THSD4: variants seen among roughly 807,000 people sequenced by gnomAD.
THSD4 encodes thrombospondin type 1 domain containing 4.
THSD4 carries 69 observed loss-of-function variants against 119.0 expected under a neutral mutation model. The observed-to-expected ratio is 0.58, with a 90% CI of 0.48 to 0.71. THSD4 has a LOEUF of 0.71. THSD4 is among the 30% of genes least tolerant of loss of function. The probability of loss-of-function intolerance (pLI) is 0.00; values close to 1 mark genes in which losing one functional copy is unlikely to be tolerated. For missense variants in THSD4, 1,393 were observed against 1,391.1 expected, an observed-to-expected ratio of 1.00 and a Z score of -0.02; for synonymous variants, 524 against 540.4, an observed-to-expected ratio of 0.97 and a Z score of 0.42.
At chr15:71,344,256 T>G (rs906692654) in intron 6 of THSD4, among the ~76,000 whole-genome samples, 11 of 151,732 alleles carry the variant, frequency 7.2e-5, no homozygotes, top group African/African-American at 9.7e-5. Context: ...TGTTAGTCAG[T>G]ATGGTCTCGA....
intron 7 of THSD4, among the ~76,000 whole-genome samples, chr15:71,521,429 T>C (rs1302887390): frequency 6.6e-6 from 1 of 152,244 alleles, no homozygotes; most frequent in Non-Finnish European, 1.5e-5. Context: ...TTAAAAAATA[T>C]ATTTTCTTTG....
intron 7 of THSD4, among the ~76,000 whole-genome samples, chr15:71,482,191 A>G (rs1009988385): frequency 2.2e-4 from 34 of 152,170 alleles, no homozygotes; most frequent in African/African-American, 8.0e-4. Flanking sequence ...TAACACTGGT[A>G]TCATCTCTAC....
chr15:71,437,543 C>T (rs990709345), intron 7 of THSD4, among the ~76,000 whole-genome samples: 1 of 152,118 alleles, frequency 6.6e-6, no homozygotes, highest in Non-Finnish European at 1.5e-5. Flanking sequence ...TTGGGAGAGA[C>T]AGAACATTGA....
At chr15:71,703,611 G>A (rs2052335286) in intron 8 of THSD4, among the ~76,000 whole-genome samples, 1 of 152,118 alleles carries the variant, frequency 6.6e-6, no homozygotes, top group South Asian at 2.1e-4. Context: ...TGGGGACAGG[G>A]CCTCAAGGGC....
intron 7 of THSD4, among the ~76,000 whole-genome samples, chr15:71,652,436 CAA>C (rs2051111058): frequency 6.6e-6 from 1 of 152,148 alleles, no homozygotes; most frequent in African/African-American, 2.4e-5. Context: ...TATAATAGAG[CAA>C]TTATCACTGT....
chr15:71,436,501 T>C (rs1249983444), intron 7 of THSD4, among the ~76,000 whole-genome samples: 3 of 152,200 alleles, frequency 2.0e-5, no homozygotes, highest in Non-Finnish European at 2.9e-5. Flanking sequence ...GAGTGACTGA[T>C]AAGAATTTCT....
chr15:71,379,723 G>T (rs544404766), intron 6 of THSD4, among the ~76,000 whole-genome samples: 1 of 151,924 alleles, frequency 6.6e-6, no homozygotes, highest in Non-Finnish European at 1.5e-5. Flanking sequence ...CTCCCAAAGT[G>T]CTGGGATTAC....
At chr15:71,534,940 C>CA (rs35816487) in intron 7 of THSD4, among the ~76,000 whole-genome samples, 42,005 of 152,014 alleles carry the variant, frequency 0.28, 6,566 homozygotes, top group East Asian at 0.63. Context: ...TCCTGGGTGA[C>CA]AGAGCGAGAC....
chr15:71,519,953 G>C (rs1342482569), intron 7 of THSD4, among the ~76,000 whole-genome samples: 1 of 152,194 alleles, frequency 6.6e-6, no homozygotes, highest in East Asian at 1.9e-4. Flanking sequence ...AGCTCTAGGG[G>C]AGTTTGCTGC....
At chr15:71,394,170 T>G (rs1255594588) in intron 6 of THSD4, among the ~76,000 whole-genome samples, 2 of 152,064 alleles carry the variant, frequency 1.3e-5, no homozygotes, top group Admixed American at 1.3e-4. Context: ...TGTATTTATT[T>G]GGCAGCCCTA....
intron 14 of THSD4, 126 bp from the exon 15 acceptor site, chr15:71,757,776 C>T (rs1595922797): frequency 8.2e-7 from 1 of 1,224,304 alleles, no homozygotes. Flanking sequence ...CGAGAAGCTG[C>T]CAGATATTTC....
At chr15:71,727,591 CA>C (rs2052884104) in intron 8 of THSD4, among the ~76,000 whole-genome samples, 2 of 9,956 alleles carry the variant, frequency 2.0e-4, no homozygotes, top group Non-Finnish European at 5.5e-4. Flanking sequence ...TATATATACA[CA>C]CACACACACA....
chr15:71,651,462 G>A (rs751351273), intron 7 of THSD4, among the ~76,000 whole-genome samples: 59 of 152,198 alleles, frequency 3.9e-4, no homozygotes, highest in Non-Finnish European at 2.5e-4. Flanking sequence ...CCACACTTTC[G>A]TTGCCAGCCT....
upstream of THSD4, among the ~76,000 whole-genome samples, chr15:71,113,277 ATT>A (rs1478424331): frequency 6.6e-6 from 1 of 152,220 alleles, no homozygotes; most frequent in Non-Finnish European, 1.5e-5. Flanking sequence ...GGTCAAAACA[ATT>A]TGACCAAGGT....
At chr15:71,265,169 G>T (rs529838135) in intron 6 of THSD4, among the ~76,000 whole-genome samples, 1 of 152,146 alleles carries the variant, frequency 6.6e-6, no homozygotes, top group Admixed American at 6.5e-5. Context: ...TGGCAAGATG[G>T]TCAAGTAGAA....
intron 7 of THSD4, among the ~76,000 whole-genome samples, chr15:71,613,142 C>T (rs565370037): frequency 6.6e-6 from 1 of 152,176 alleles, no homozygotes; most frequent in South Asian, 2.1e-4. Flanking sequence ...TGAAAAGCAG[C>T]CTCTCCCAAA....
intron 6 of THSD4, among the ~76,000 whole-genome samples, chr15:71,373,808 C>G (rs1236865207): frequency 1.3e-5 from 2 of 152,206 alleles, no homozygotes; most frequent in Non-Finnish European, 2.9e-5. Flanking sequence ...ACAGGCAGTT[C>G]ACGAAAGACA....
At chr15:71,668,407 GGGCT>G (rs966628163) in intron 8 of THSD4, among the ~76,000 whole-genome samples, 13 of 152,250 alleles carry the variant, frequency 8.5e-5, no homozygotes, top group African/African-American at 2.6e-4. Flanking sequence ...GGATGAGAAG[GGGCT>G]GACCTGTGAG....
intron 6 of THSD4, among the ~76,000 whole-genome samples, chr15:71,396,237 C>G (rs2046453617): frequency 6.6e-6 from 1 of 151,858 alleles, no homozygotes; most frequent in African/African-American, 2.4e-5. Flanking sequence ...ACCATATGTA[C>G]ACATGCATAC....
Sources: gnomAD v4.1 joint callset for allele counts (sites outside exome capture counted in the v4.1 genomes callset) on GRCh38, gnomAD v4.1.1 for gene constraint, MANE v1.5 for transcripts, NCBI Gene and HGNC (gene_info 2026-07-23, HGNC 2026-07-21) for gene names.